SRCIN1: variants seen among roughly 807,000 people sequenced by gnomAD.
SRCIN1 encodes P130Cas-associated protein.
Under a neutral mutation model 116.2 loss-of-function variants are expected in SRCIN1, and 50 were observed. That is an observed-to-expected ratio of 0.43 (90% CI 0.34 to 0.54). The LOEUF is 0.54. SRCIN1 is among the 20% of genes least tolerant of loss of function. The pLI, the probability that SRCIN1 is intolerant of heterozygous loss-of-function variation, is 0.02. For synonymous variants in SRCIN1, 736 were observed against 750.0 expected, an observed-to-expected ratio of 0.98 and a Z score of 0.30; for missense variants, 1,446 against 1,672.0, an observed-to-expected ratio of 0.86 and a Z score of 2.36.
Position 38,568,330 on chromosome 17 carries a change from C to CCCTA in SRCIN1, c.325-103_325-100dup. 7.9e-7 allele frequency: 1 copy of CCCTA among 1,258,638 alleles called. No homozygotes were observed. The highest frequency in any genetic ancestry group is 1.1e-6 in the Non-Finnish European group (1 of 877,302). 78.0% of individuals were successfully genotyped at this position (1,258,638 alleles called of 1,614,324 possible). ...GAGACCCTTGGAACTCAGCACTCAGCCCTAGGACAAGGGCCCTCCACCCTC... is the reference window on the plus strand; with the variant it reads ...GAGACCCTTGGAACTCAGCACTCAGCCCTACCTAGGACAAGGGCCCTCCACCCTC... On this transcript the variant is annotated intron_variant, in intron 2 of 18. Transcript: ENST00000617146. This position sits in a 1 kb window ranked among gnomAD's most constrained non-coding sequence, Gnocchi z 4.5.
rs577358376 is a variant in SRCIN1 at position 38,577,009 on chromosome 17, G to A, written c.324+1481C>T. Among the ~76,000 whole-genome samples the A allele has an allele frequency of 1.7e-4, 26 of 152,174 alleles. 1 individual carries two copies. Among genetic ancestry groups the A allele is most frequent in the African/African-American group, 5.5e-4 (23 of 41,490 alleles). On this transcript the variant is annotated intron_variant, in intron 2 of 18. Transcript: ENST00000617146. Reference sequence around the variant, plus strand: ...TACCTCCCACCTGAGCCTTCTCGCCGGCCAGGTGGACCTCTGTGCCAGTTC... The same window carrying A: ...TACCTCCCACCTGAGCCTTCTCGCCAGCCAGGTGGACCTCTGTGCCAGTTC...
rs1293645632 is a variant in SRCIN1 at position 38,559,746 on chromosome 17, C to A, written c.1864G>T (p.Gly622Trp). 1.3e-6 allele frequency: 2 copies of A among 1,532,214 alleles called. No homozygotes were observed. Among genetic ancestry groups the A allele is most frequent in the South Asian group, 2.5e-5 (2 of 81,278 alleles). 94.9% of individuals were successfully genotyped at this position (1,532,214 alleles called of 1,614,324 possible). A position where few individuals can be genotyped will look rare whatever the true frequency, so the allele number is the denominator to read the frequency against. ...APCGSGGRSSGATPVSGPPPP... is the reference protein window; with the variant it reads ...APCGSGGRSSWATPVSGPPPP... ...GGCGGGCCGGACACCGGGGTGGCCCCGCTGCTCCGGCCGCCTGACCCACAG... is the reference window on the plus strand; with the variant it reads ...GGCGGGCCGGACACCGGGGTGGCCCAGCTGCTCCGGCCGCCTGACCCACAG... Residue 622 changes from glycine (G) to tryptophan (W), a missense_variant, in exon 10 of 19, where the codon GGG becomes TGG. Coordinates refer to ENST00000617146, the MANE Select transcript of SRCIN1 (RefSeq NM_025248.3).
rs2143247458 is a variant in SRCIN1 at position 38,568,348 on chromosome 17, C to T, written c.325-117G>A. ...CACTCAGCCCTAGGACAAGGGCCCT[C>T]CACCCTCCCAGGAGCAGGAATGAAG... On this transcript the variant is annotated intron_variant, in intron 2 of 18. Coordinates refer to ENST00000617146, the MANE Select transcript of SRCIN1 (RefSeq NM_025248.3). This position sits in a 1 kb window ranked among gnomAD's most constrained non-coding sequence, Gnocchi z 4.5. 2 of 954,342 alleles carry T rather than the reference C, an allele frequency of 2.1e-6. No individual in the cohort carries two copies. The highest frequency in any genetic ancestry group is 2.0e-5 in the Admixed American group (1 of 50,118). The allele number at this position is 954,342 out of a possible 1,614,324, so 59.1% of individuals were successfully genotyped here. A position where few individuals can be genotyped will look rare whatever the true frequency, so the allele number is the denominator to read the frequency against.
intron 1 of SRCIN1, 142 bp from the exon 2 acceptor site, chr17:38,578,933 C>G (rs1907617183): frequency 1.0e-6 from 1 of 990,054 alleles, no homozygotes; most frequent in Admixed American, 3.1e-5. Flanking sequence ...CAGGGGCTGC[C>G]CAGCACCCCA....
chr17:38,546,051 C>T (rs766696080), intron 17 of SRCIN1, among the ~76,000 whole-genome samples: 2 of 152,208 alleles, frequency 1.3e-5, no homozygotes, highest in Non-Finnish European at 2.9e-5. Flanking sequence ...CACACACACT[C>T]GGGCAAAGCT....
chr17:38,579,323 C>G (rs866418591), intron 1 of SRCIN1, among the ~76,000 whole-genome samples: 3 of 152,198 alleles, frequency 2.0e-5, no homozygotes, highest in African/African-American at 7.2e-5. Context: ...ATCCTCAAGG[C>G]TGGGCGCCGG....
intron 18 of SRCIN1, chr17:38,541,277 A>T (rs1904724955): frequency 6.8e-6 from 1 of 147,840 alleles, no homozygotes; most frequent in African/African-American, 2.5e-5. Flanking sequence ...AAAATAAAAT[A>T]AAATTTCCAC....
chr17:38,538,363 G>A (rs1904518889), intron 18 of SRCIN1, among the ~76,000 whole-genome samples: 1 of 141,628 alleles, frequency 7.1e-6, no homozygotes, highest in African/African-American at 2.7e-5. Context: ...GTTGCAGTGA[G>A]CCAAAGTTGC....
Position 38,572,264 on chromosome 17 carries a change from C to G in SRCIN1, c.325-4033G>C, listed in dbSNP as rs1180332499. 1.3e-5 allele frequency among the ~76,000 whole-genome samples: 2 copies of G among 151,850 alleles called. No individual in the cohort carries two copies. Among genetic ancestry groups the G allele is most frequent in the East Asian group, 1.9e-4 (1 of 5,154 alleles). ...TGGGGCTAAGCCACTCGCCCCTCCT[C>G]GGGCGCCTGCCCCCACCGCGATGTA... On this transcript the variant is annotated intron_variant, in intron 2 of 18. Coordinates refer to ENST00000617146, the MANE Select transcript of SRCIN1 (RefSeq NM_025248.3). This position sits in a 1 kb window ranked among gnomAD's most constrained non-coding sequence, Gnocchi z 4.3.
At chr17:38,541,116 G>A (rs1171205626) in intron 18 of SRCIN1, among the ~76,000 whole-genome samples, 1 of 151,922 alleles carries the variant, frequency 6.6e-6, no homozygotes, top group African/African-American at 2.4e-5. Context: ...GTGGGCGCCT[G>A]TAATCCCAGC....
At chr17:38,588,292 AG>A (rs911815830) in intron 1 of SRCIN1, among the ~76,000 whole-genome samples, 1 of 152,198 alleles carries the variant, frequency 6.6e-6, no homozygotes, top group Non-Finnish European at 1.5e-5. Context: ...CTGGGAAGGA[AG>A]GGGGCAGAGA....
At chr17:38,566,866 T>TTTCCCTCC (rs1555609842) in intron 3 of SRCIN1, among the ~76,000 whole-genome samples, 5 of 132,010 alleles carry the variant, frequency 3.8e-5, no homozygotes, top group Non-Finnish European at 8.0e-5. Flanking sequence ...TTTTGTTTCG[T>TTTCCCTCC]TTCCTTCCTT....
chr17:38,548,720 C>T lies in SRCIN1; in HGVS notation c.3118-11G>A, dbSNP rs766752460. 6.0e-5 allele frequency: 95 copies of T among 1,580,142 alleles called. No homozygotes were observed. In the Admixed American group the frequency reaches 7.9e-4, roughly 13 times the overall value. On this transcript the variant is annotated splice_polypyrimidine_tract_variant and intron_variant, in intron 16 of 18. Transcript: ENST00000617146. ...CTCGGACTCAGCCTTCTGCAAGGCC[C>T]GGGACTCCTGTCAAGGCCAGGCTCT...
In SRCIN1 at chr17:38,561,629, C is replaced by T. The variant is rs773884465; in HGVS notation, c.1534G>A (p.Asp512Asn). The change falls in exon 7 of 19, where the codon GAC (aspartate) becomes AAC (asparagine). Residue 512 changes from aspartate (D) to asparagine (N), a missense_variant. Coordinates refer to ENST00000617146, the MANE Select transcript of SRCIN1 (RefSeq NM_025248.3). ...GSPVRQSFRK[D>N]SGSSSVFAES... is the part of the protein sequence containing the mutation. ...GCAAAGACGGACGAGGAGCCCGAGT[C>T]CTTGCGGAAGGACTGGCGCACTGGC... The T allele has an allele frequency of 1.6e-5, 25 of 1,580,268 alleles. No individual in the cohort carries two copies. The South Asian group carries it at 2.6e-4, about 16-fold the overall frequency.
Position 38,558,243 on chromosome 17 carries a change from T to A in SRCIN1, c.2185A>T (p.Ile729Phe), listed in dbSNP as rs772929242. 6.2e-7 allele frequency: 1 copy of A among 1,612,914 alleles called. No homozygotes were observed. Among genetic ancestry groups the A allele is most frequent in the Non-Finnish European group, 8.5e-7 (1 of 1,179,530 alleles). Residue 729 changes from isoleucine (I) to phenylalanine (F), a missense_variant, in exon 11 of 19, where the codon ATT (isoleucine) becomes TTT (phenylalanine). Ile to Phe is a conservative substitution (Grantham distance 21, BLOSUM62 0). This residue lies in a region of SRCIN1 where 531 missense variants were observed against 633.9 expected (regional missense o/e 0.84). Coordinates refer to ENST00000617146, the MANE Select transcript of SRCIN1 (RefSeq NM_025248.3). The surrounding 1 kb of genome is among the most constrained non-coding windows in gnomAD (Gnocchi z 4.6). ...CAGCCTCACTTGAGCTGCTGGGTAATAAGCTCCTCGTCGTTGAGATAGCGC... is the reference window on the plus strand; with the variant it reads ...CAGCCTCACTTGAGCTGCTGGGTAAAAAGCTCCTCGTCGTTGAGATAGCGC... The part of the protein sequence containing the change: ...RLRYLNDEEL[I>F]TQQLNDLEKS...
At chr17:38,580,074 C>T (rs1412408981) in intron 1 of SRCIN1, among the ~76,000 whole-genome samples, 1 of 152,146 alleles carries the variant, frequency 6.6e-6, no homozygotes, top group South Asian at 2.1e-4. Context: ...TGGCCTGACT[C>T]ATAGGGCTCC....
At chr17:38,574,894 C>T (rs766470258) in intron 2 of SRCIN1, 69 of 400,902 alleles carry the variant, frequency 1.7e-4, no homozygotes, top group Non-Finnish European at 4.9e-5. Context: ...GCTGGCCAGC[C>T]CCGGAGGGGG....
chr17:38,561,641 A>G lies in SRCIN1; in HGVS notation c.1522T>C (p.Ser508Pro). 1 of 1,568,080 alleles carries G rather than the reference A, an allele frequency of 6.4e-7. No homozygotes were observed. Among genetic ancestry groups the G allele is most frequent in the Non-Finnish European group, 8.6e-7 (1 of 1,156,614 alleles). ...PPSRGSPVRQSFRKDSGSSSV... is the reference protein window; with the variant it reads ...PPSRGSPVRQPFRKDSGSSSV... ...GAGGAGCCCGAGTCCTTGCGGAAGGACTGGCGCACTGGCGAGCCGCGGCTG... is the reference window on the plus strand; with the variant it reads ...GAGGAGCCCGAGTCCTTGCGGAAGGGCTGGCGCACTGGCGAGCCGCGGCTG... The change falls in exon 7 of 19, where the codon TCC (serine) becomes CCC (proline). Residue 508 changes from serine (S) to proline (P), a missense_variant. This residue lies in a region of SRCIN1 where 398 missense variants were observed against 385.6 expected (regional missense o/e 1.03). Transcript: ENST00000617146.
chr17:38,568,296 G>A lies in SRCIN1; in HGVS notation c.325-65C>T. On this transcript the variant is annotated intron_variant, in intron 2 of 18. Coordinates refer to ENST00000617146, the MANE Select transcript of SRCIN1 (RefSeq NM_025248.3). This position sits in a 1 kb window ranked among gnomAD's most constrained non-coding sequence, Gnocchi z 4.5. ...CCCAGGAGGGGAAAAGAGGGGCAGGGGCAGGTTAGAGACCCTTGGAACTCA... is the reference window on the plus strand; with the variant it reads ...CCCAGGAGGGGAAAAGAGGGGCAGGAGCAGGTTAGAGACCCTTGGAACTCA... 6.4e-7 allele frequency: 1 copy of A among 1,550,622 alleles called. No individual in the cohort carries two copies. Among genetic ancestry groups the A allele is most frequent in the Non-Finnish European group, 8.8e-7 (1 of 1,131,054 alleles).
Sources: gnomAD v4.1 joint callset for allele counts (sites outside exome capture counted in the v4.1 genomes callset) on GRCh38, gnomAD v4.1.1 for gene constraint, gnomAD v4.1.1 regional missense constraint, Gnocchi (gnomAD v3.1) non-coding constraint, MANE v1.5 for transcripts, NCBI Gene and HGNC (gene_info 2026-07-23, HGNC 2026-07-21) for gene names.